Variants in FAF1 observed in about 807,000 individuals in gnomAD.
FAF1 encodes FAS-associated factor 1.
A neutral mutation model predicts 92.5 loss-of-function variants in FAF1; 25 were observed. That is an observed-to-expected ratio of 0.27 (90% CI 0.20 to 0.38). FAF1 has a LOEUF of 0.38. Ranked by LOEUF, FAF1 falls within the 10% of genes least tolerant of loss-of-function variation. FAF1 has a pLI of 1.00. For synonymous variants in FAF1, 234 were observed against 273.2 expected (o/e 0.86, Z 1.42); for missense variants, 636 against 793.3 (o/e 0.80, Z 2.38).
intron 1 of FAF1, among the ~76,000 whole-genome samples, chr1:50,894,305 A>T (rs28825736): frequency 4.9e-4 from 50 of 102,374 alleles, no homozygotes; most frequent in Middle Eastern, 4.6e-3. Context: ...TCTCAAAATT[A>T]AAAAAAAAAA....
chr1:50,900,732 T>C (rs988170316), intron 1 of FAF1, among the ~76,000 whole-genome samples: 1 of 152,228 alleles, frequency 6.6e-6, no homozygotes, highest in Non-Finnish European at 1.5e-5. Flanking sequence ...AGGTTTCCAA[T>C]ATAAATCGTC....
intron 6 of FAF1, among the ~76,000 whole-genome samples, chr1:50,724,306 C>CACACATACACACAT (rs764857214): frequency 2.1e-5 from 3 of 145,232 alleles, no homozygotes; most frequent in Non-Finnish European, 4.5e-5. Flanking sequence ...TACACACACA[C>CACACATACACACAT]ACACACACAC....
At chr1:50,471,842 G>A (rs564240414) in intron 18 of FAF1, among the ~76,000 whole-genome samples, 1 of 152,030 alleles carries the variant, frequency 6.6e-6, no homozygotes, top group East Asian at 1.9e-4. Flanking sequence ...ATATGGGTAG[G>A]CAAAAAATGG....
chr1:50,756,666 A>C (rs967143808), intron 4 of FAF1, among the ~76,000 whole-genome samples: 17 of 152,222 alleles, frequency 1.1e-4, no homozygotes, highest in African/African-American at 3.9e-4. Flanking sequence ...TTTATACAGA[A>C]GAAAGGGTTT....
At chr1:50,667,603 G>A (rs1020825199) in intron 7 of FAF1, among the ~76,000 whole-genome samples, 1 of 152,122 alleles carries the variant, frequency 6.6e-6, no homozygotes, top group Non-Finnish European at 1.5e-5. Flanking sequence ...TTATAGAATT[G>A]CACTTCCTTT....
At chr1:50,557,646 A>C (rs767456995) in intron 13 of FAF1, among the ~76,000 whole-genome samples, 5 of 152,160 alleles carry the variant, frequency 3.3e-5, no homozygotes, top group Non-Finnish European at 5.9e-5. Context: ...TACTTATATC[A>C]CTGAACTAAC....
chr1:50,886,199 T>G (rs1391875448), intron 1 of FAF1, among the ~76,000 whole-genome samples: 1 of 152,242 alleles, frequency 6.6e-6, no homozygotes, highest in Non-Finnish European at 1.5e-5. Context: ...AAGTGATATC[T>G]TATTGCTCAT....
chr1:50,650,749 A>T (rs541222440), intron 8 of FAF1, among the ~76,000 whole-genome samples: 1 of 152,260 alleles, frequency 6.6e-6, no homozygotes, highest in Admixed American at 6.5e-5. Context: ...GTATCTAAAC[A>T]TAATTCACAG....
intron 17 of FAF1, among the ~76,000 whole-genome samples, chr1:50,479,928 TCA>T (rs1257570624): frequency 6.6e-6 from 1 of 152,182 alleles, no homozygotes; most frequent in Non-Finnish European, 1.5e-5. Context: ...CATCAGTAGT[TCA>T]GTTTCAAACA....
At chr1:50,729,058 A>ATAAATTTT (rs1375923156) in intron 6 of FAF1, among the ~76,000 whole-genome samples, 9 of 70,130 alleles carry the variant, frequency 1.3e-4, no homozygotes, top group Non-Finnish European at 2.1e-4. Context: ...ATATATATAT[A>ATAAATTTT]TTTTTTTTTT....
chr1:50,585,352 GTAA>G (rs1327040798), intron 9 of FAF1, among the ~76,000 whole-genome samples: 5 of 152,114 alleles, frequency 3.3e-5, no homozygotes, highest in Non-Finnish European at 5.9e-5. Flanking sequence ...AAGATGAGAT[GTAA>G]TAATAATGTT....
chr1:50,443,512 T>G (rs982499833), intron 18 of FAF1, among the ~76,000 whole-genome samples: 1 of 152,218 alleles, frequency 6.6e-6, no homozygotes, highest in Non-Finnish European at 1.5e-5. Context: ...TGGTTACCAC[T>G]TGTTTACAGC....
At chr1:50,814,617 G>A (rs1284019139) in intron 2 of FAF1, among the ~76,000 whole-genome samples, 2 of 152,076 alleles carry the variant, frequency 1.3e-5, no homozygotes, top group Non-Finnish European at 2.9e-5. Flanking sequence ...AGTTAGATAC[G>A]TAAGAGTAAA....
rs188361823 is a variant in FAF1, at chr1:50,793,641, T to C, written c.162-5436A>G. 3.3e-5 allele frequency among the ~76,000 whole-genome samples: 5 copies of C among 152,356 alleles called. No individual in the cohort carries two copies. In the East Asian group the frequency reaches 9.6e-4, roughly 29 times the overall value. ...TCTTGCATACGTGTTTTATTTTCTA[T>C]ACTAATTTGTAAGCACTGGGACGTG... On this transcript the variant is annotated intron_variant, in intron 3 of 18. Transcript: ENST00000396153.
intron 1 of FAF1, among the ~76,000 whole-genome samples, chr1:50,907,101 T>C (rs930780945): frequency 6.6e-6 from 1 of 152,230 alleles, no homozygotes; most frequent in African/African-American, 2.4e-5. Context: ...GGCTATAGAA[T>C]TTTGTTGAAG....
Position 50,804,977 on chromosome 1 carries a change from T to C in FAF1, c.115-3300A>G, listed in dbSNP as rs552880004. Among the ~76,000 whole-genome samples the C allele has an allele frequency of 7.9e-5, 12 of 152,332 alleles. No homozygotes were observed. The South Asian group carries it at 2.5e-3, about 32-fold the overall frequency. ...GATCAATAAGATCTGGACTGTAGACTAAAAATTATACTGAGTTTATTATAA... is the reference window on the plus strand; with the variant it reads ...GATCAATAAGATCTGGACTGTAGACCAAAAATTATACTGAGTTTATTATAA... On this transcript the variant is annotated intron_variant, in intron 2 of 18. Coordinates refer to ENST00000396153, the MANE Select transcript of FAF1 (RefSeq NM_007051.3).
chr1:50,552,511 T>C (rs1254657032), intron 13 of FAF1, among the ~76,000 whole-genome samples: 2 of 152,158 alleles, frequency 1.3e-5, no homozygotes, highest in Non-Finnish European at 1.5e-5. Context: ...AAAAGATTGA[T>C]ATAACTCTTA....
At chr1:50,813,700 T>C (rs934670932) in intron 2 of FAF1, among the ~76,000 whole-genome samples, 1 of 152,168 alleles carries the variant, frequency 6.6e-6, no homozygotes, top group Non-Finnish European at 1.5e-5. Flanking sequence ...TAGGCTCAAG[T>C]GACTCTCTCG....
chr1:50,631,257 T>C (rs1437436349), intron 8 of FAF1, among the ~76,000 whole-genome samples: 1 of 152,192 alleles, frequency 6.6e-6, no homozygotes, highest in Non-Finnish European at 1.5e-5. Flanking sequence ...CAAAAATATT[T>C]TTGTTATTCC....
Sources: allele counts gnomAD v4.1 joint callset (sites outside exome capture counted in the v4.1 genomes callset), GRCh38; gene constraint gnomAD v4.1.1; transcripts MANE v1.5; gene names NCBI Gene and HGNC (gene_info 2026-07-23, HGNC 2026-07-21).